CBR4: variants seen among roughly 807,000 people sequenced by gnomAD.
CBR4 encodes carbonyl reductase 4.
CBR4 carries 22 observed loss-of-function variants against 21.0 expected under a neutral mutation model. The observed-to-expected ratio is 1.05, with a 90% CI of 0.75 to 1.50. The LOEUF is 1.50. Among genes scored for constraint, CBR4 ranks in the 40% most tolerant of loss-of-function variants. CBR4 has a pLI of 0.00. For synonymous variants in CBR4, 100 were observed against 104.4 expected, an observed-to-expected ratio of 0.96 and a Z score of 0.26; for missense variants, 302 against 286.3, an observed-to-expected ratio of 1.05 and a Z score of -0.40.
At chr4:168,955,888 T>C (rs527858893) in intron 2 of CBR4, among the ~76,000 whole-genome samples, 156 of 152,214 alleles carry the variant, frequency 1.0e-3, no homozygotes, top group South Asian at 2.7e-3. Context: ...GAGATTAAAA[T>C]GAGTCAGACC....
chr4:168,924,672 A>C (rs1021920831), intron 2 of CBR4, among the ~76,000 whole-genome samples: 1 of 152,190 alleles, frequency 6.6e-6, no homozygotes. Context: ...GAAAAGATGA[A>C]TTCATTTGCT....
At chr4:168,898,488 T>C in intron 2 of CBR4, 2 of 1,601,512 alleles carry the variant, frequency 1.2e-6, no homozygotes, top group Non-Finnish European at 1.7e-6. Flanking sequence ...CTTTCCTTGA[T>C]TCAGGAATAC....
At chr4:169,009,392 G>A (rs1041877042) in intron 1 of CBR4, among the ~76,000 whole-genome samples, 26 of 152,208 alleles carry the variant, frequency 1.7e-4, no homozygotes, top group African/African-American at 5.6e-4. Flanking sequence ...AAGCAAACCA[G>A]GTATATCTCA....
chr4:168,991,377 G>A (rs1038301980), intron 4 of CBR4, among the ~76,000 whole-genome samples: 2 of 152,186 alleles, frequency 1.3e-5, no homozygotes, highest in African/African-American at 4.8e-5. Flanking sequence ...GGATAGAAAA[G>A]TAGAAAGTAG....
intron 2 of CBR4, among the ~76,000 whole-genome samples, chr4:168,959,311 C>T (rs976728824): frequency 2.6e-5 from 4 of 152,088 alleles, no homozygotes; most frequent in Non-Finnish European, 5.9e-5. Flanking sequence ...ACTGAAATTG[C>T]CTTGGCACCT....
At chr4:169,004,434 T>C (rs1730728058) in intron 3 of CBR4, among the ~76,000 whole-genome samples, 1 of 152,246 alleles carries the variant, frequency 6.6e-6, no homozygotes, top group Non-Finnish European at 1.5e-5. Flanking sequence ...TTTGATAGCA[T>C]TTTATCCAAG....
At chr4:169,000,102 T>A (rs1730298257) in intron 4 of CBR4, among the ~76,000 whole-genome samples, 1 of 152,198 alleles carries the variant, frequency 6.6e-6, no homozygotes, top group Non-Finnish European at 1.5e-5. Flanking sequence ...ACCCACAGTA[T>A]TCCAATCCTG....
chr4:168,988,069 A>T lies in CBR4; in HGVS notation c.*2081T>A, dbSNP rs948036684. 3 of 985,180 alleles carry T rather than the reference A, an allele frequency of 3.0e-6. No homozygotes were observed. Among genetic ancestry groups the T allele is most frequent in the Non-Finnish European group, 3.6e-6 (3 of 829,770 alleles). 61.0% of individuals were successfully genotyped at this position (985,180 alleles called of 1,614,324 possible). A position where few individuals can be genotyped will look rare whatever the true frequency, so the allele number is the denominator to read the frequency against. On this transcript the variant is annotated 3_prime_UTR_variant, in exon 5 of 5. Coordinates refer to ENST00000306193, the MANE Select transcript of CBR4 (RefSeq NM_032783.5). ...AATGCTTCTCAGAATAGCAGATTTT[A>T]AAAAATGAATTCACTGAGGTTCTTA... is the stretch of plus-strand genomic sequence containing the variant.
At position 168,990,438 on chromosome 4, in the gene CBR4, A is replaced by T. The variant is rs993336236; in HGVS notation, c.536-110T>A. ...GAAAATTTTAATTTGAAATTATTTA[A>T]AAAAAAATTTTTTTTTGAGACAGGG... On this transcript the variant is annotated intron_variant, in intron 4 of 4. Coordinates refer to ENST00000306193, the MANE Select transcript of CBR4 (RefSeq NM_032783.5). 1.7e-5 allele frequency: 19 copies of T among 1,142,402 alleles called. No individual in the cohort carries two copies. In the African/African-American group the frequency reaches 2.9e-4, roughly 17 times the overall value. The allele number at this position is 1,142,402 out of a possible 1,614,324, so 70.8% of individuals were successfully genotyped here.
rs1268023581 is a variant in CBR4, at chr4:169,009,930, C to A, written c.142+18G>T. On this transcript the variant is annotated intron_variant, in intron 1 of 4. Transcript: ENST00000306193. Reference sequence around the variant, plus strand: ...GGACCGCGGCCATACAACTGGACAACTCCAGTTTGGTACCTACCGCCGAGG... The same window carrying A: ...GGACCGCGGCCATACAACTGGACAAATCCAGTTTGGTACCTACCGCCGAGG... 3 of 1,605,670 alleles carry A rather than the reference C, an allele frequency of 1.9e-6. No homozygotes were observed. Among genetic ancestry groups the A allele is most frequent in the Non-Finnish European group, 2.6e-6 (3 of 1,176,450 alleles).
At chr4:168,981,135 C>T (rs563427229) in intron 2 of CBR4, among the ~76,000 whole-genome samples, 28 of 152,258 alleles carry the variant, frequency 1.8e-4, no homozygotes, top group African/African-American at 5.8e-4. Flanking sequence ...CGTGGTGGCT[C>T]GCACCTGTAA....
intron 4 of CBR4, among the ~76,000 whole-genome samples, chr4:169,000,042 C>G (rs1264246183): frequency 6.6e-6 from 1 of 152,162 alleles, no homozygotes; most frequent in South Asian, 2.1e-4. Context: ...TTCCATTCCC[C>G]GAAACCATTC....
intron 2 of CBR4, among the ~76,000 whole-genome samples, chr4:168,979,405 C>T (rs1272291480): frequency 2.6e-5 from 4 of 152,094 alleles, no homozygotes; most frequent in Non-Finnish European, 5.9e-5. Flanking sequence ...CTGTTTTCCA[C>T]ACAGGTCCCT....
At chr4:168,899,888 C>T (rs1322926784) in intron 2 of CBR4, among the ~76,000 whole-genome samples, 1 of 150,728 alleles carries the variant, frequency 6.6e-6, no homozygotes, top group Non-Finnish European at 1.5e-5. Flanking sequence ...TGCACTCCAG[C>T]TCAGGGCAAC....
chr4:168,976,146 C>A (rs112585259), intron 2 of CBR4, among the ~76,000 whole-genome samples: 1 of 152,152 alleles, frequency 6.6e-6, no homozygotes, highest in Non-Finnish European at 1.5e-5. Flanking sequence ...GGGAAGTTCA[C>A]GCTTAGTCAA....
rs1560997889 is a variant in CBR4, at chr4:169,010,051, G to A, written c.39C>T (p.Gly13=). ...KVCAVFGGSR[G]IGRAVAQLMA... is the part of the protein sequence containing the mutation. Reference sequence around the variant, plus strand: ...TTAACTGGGCCACAGCTCTGCCAATGCCTCGGGAGCCTCCAAAAACAGCAC... The same window carrying A: ...TTAACTGGGCCACAGCTCTGCCAATACCTCGGGAGCCTCCAAAAACAGCAC... Residue 13 remains glycine, a synonymous_variant, in exon 1 of 5, where the codon GGC becomes GGT. Coordinates refer to ENST00000306193, the MANE Select transcript of CBR4 (RefSeq NM_032783.5). 2 of 1,613,830 alleles carry A rather than the reference G, an allele frequency of 1.2e-6. No individual in the cohort carries two copies. Among genetic ancestry groups the A allele is most frequent in the East Asian group, 4.5e-5 (2 of 44,856 alleles).
At chr4:168,982,920 T>C (rs145680253), downstream of CBR4, among the ~76,000 whole-genome samples, 2 of 152,234 alleles carry the variant, frequency 1.3e-5, no homozygotes, top group East Asian at 3.9e-4. Context: ...GCTAAAGTAG[T>C]GTCAAAAGCA....
intron 2 of CBR4, among the ~76,000 whole-genome samples, chr4:168,905,798 T>C (rs942147466): frequency 4.7e-5 from 7 of 147,554 alleles, no homozygotes; most frequent in Middle Eastern, 3.5e-3. Flanking sequence ...TTCTTTTTTT[T>C]TTTTTTTTTT....
intron 2 of CBR4, among the ~76,000 whole-genome samples, chr4:168,910,490 A>G (rs963682938): frequency 6.6e-6 from 1 of 152,152 alleles, no homozygotes; most frequent in African/African-American, 2.4e-5. Context: ...ACCAAGAAAA[A>G]TAAAATTCCA....
Sources: allele counts gnomAD v4.1 joint callset (sites outside exome capture counted in the v4.1 genomes callset), GRCh38; gene constraint gnomAD v4.1.1; transcripts MANE v1.5; gene names NCBI Gene and HGNC (gene_info 2026-07-23, HGNC 2026-07-21).